MCM9: variants seen among roughly 807,000 people sequenced by gnomAD.
The protein encoded by MCM9 is minichromosome maintenance 9 homologous recombination repair factor.
In MCM9, 55 loss-of-function variants were observed where a neutral mutation model predicts 72.8. The observed-to-expected ratio is 0.76, with a 90% CI of 0.61 to 0.95. MCM9 has a LOEUF of 0.95. MCM9 is among the 40% of genes least tolerant of loss of function. The pLI, the probability that MCM9 is intolerant of heterozygous loss-of-function variation, is 0.00. For synonymous variants in MCM9, 480 were observed against 503.4 expected (o/e 0.95, Z 0.62); for missense variants, 1,279 against 1,377.0 (o/e 0.93, Z 1.13).
At chr6:118,829,820 TTC>T (rs1259976613) in intron 9 of MCM9, among the ~76,000 whole-genome samples, 1 of 152,114 alleles carries the variant, frequency 6.6e-6, no homozygotes, top group Admixed American at 6.5e-5. Context: ...GGCAAAAACT[TTC>T]TGTGTATTCA....
intron 6 of MCM9, among the ~76,000 whole-genome samples, chr6:118,914,500 G>T (rs1181822625): frequency 6.6e-6 from 1 of 152,144 alleles, no homozygotes; most frequent in African/African-American, 2.4e-5. Flanking sequence ...CAGAAATGGT[G>T]AAGAAAGAAA....
At chr6:118,884,404 C>G (rs759478176) in intron 8 of MCM9, among the ~76,000 whole-genome samples, 2 of 151,214 alleles carry the variant, frequency 1.3e-5, no homozygotes, top group Non-Finnish European at 2.9e-5. Context: ...ATAACAACCA[C>G]TAAGGAAATC....
chr6:118,843,572 G>A (rs1775548554), intron 9 of MCM9, among the ~76,000 whole-genome samples: 1 of 139,910 alleles, frequency 7.1e-6, no homozygotes, highest in African/African-American at 2.6e-5. Context: ...AGGTTGCAGT[G>A]AGCCAAGATT....
At chr6:118,893,933 C>CCCCGCCTCCCCGCCG in intron 8 of MCM9, 1 of 847,066 alleles carries the variant, frequency 1.2e-6, no homozygotes, top group East Asian at 1.2e-4. Context: ...CCCGCCGCAG[C>CCCCGCCTCCCCGCCG]CACGCCTCCC....
chr6:118,867,293 A>AAATTATAAT (rs1777276405), intron 8 of MCM9, among the ~76,000 whole-genome samples: 3 of 152,200 alleles, frequency 2.0e-5, no homozygotes, highest in Admixed American at 6.5e-5. Context: ...ATTATAATGG[A>AAATTATAAT]GCTGAAAAAC....
At chr6:118,920,286 C>T (rs942367875) in intron 5 of MCM9, 2 of 152,178 alleles carry the variant, frequency 1.3e-5, no homozygotes, top group African/African-American at 4.8e-5. Context: ...CATTAGTATA[C>T]TATTTACACA....
intron 9 of MCM9, among the ~76,000 whole-genome samples, chr6:118,837,908 C>T (rs963721553): frequency 2.0e-5 from 3 of 152,096 alleles, no homozygotes; most frequent in Non-Finnish European, 2.9e-5. Flanking sequence ...TATTATGATG[C>T]TAGCTGGTTA....
chr6:118,827,925 A>G lies in MCM9; in HGVS notation c.1732+2T>C, dbSNP rs587777871. ...AAGCATCATTCGCTGAATGAAATAGACCTTCTGCTAATCGTATCAAGCTTT... is the reference window on the plus strand; with the variant it reads ...AAGCATCATTCGCTGAATGAAATAGGCCTTCTGCTAATCGTATCAAGCTTT... On this transcript the variant is annotated splice_donor_variant, in intron 11 of 13. Transcript: ENST00000619706. LOFTEE classifies it high-confidence loss of function. 3 of 1,550,772 alleles carry G rather than the reference A, an allele frequency of 1.9e-6. No individual in the cohort carries two copies. Among genetic ancestry groups the G allele is most frequent in the Middle Eastern group, 1.7e-4 (1 of 5,988 alleles).
chr6:118,852,405 A>AC (rs1776289796), intron 9 of MCM9, among the ~76,000 whole-genome samples: 1 of 151,878 alleles, frequency 6.6e-6, no homozygotes, highest in African/African-American at 2.4e-5. Context: ...TTTCCAACAG[A>AC]CAAAAAAAAA....
rs190363840 is a variant in MCM9, at chr6:118,853,002, G to A, written c.1325+3369C>T. ...AGTTTGTTCCTTTATATTGCTAGTA[G>A]TATTCCATGGTATGGGTCCATCAAG... On this transcript the variant is annotated intron_variant, in intron 9 of 13. Transcript: ENST00000619706. Among the ~76,000 whole-genome samples the A allele has an allele frequency of 9.2e-4, 140 of 152,202 alleles. 2 individuals are homozygous for A. Among genetic ancestry groups the A allele is most frequent in the South Asian group, 5.2e-3 (25 of 4,826 alleles).
intron 8 of MCM9, among the ~76,000 whole-genome samples, chr6:118,903,029 G>A (rs1779909379): frequency 6.6e-6 from 1 of 152,144 alleles, no homozygotes; most frequent in Non-Finnish European, 1.5e-5. Context: ...AGGCCTGTAA[G>A]CTTCTCTACT....
intron 6 of MCM9, 81 bp downstream of exon 6, chr6:118,917,480 A>C: frequency 7.5e-7 from 1 of 1,336,618 alleles, no homozygotes; most frequent in Non-Finnish European, 1.1e-6. Context: ...GGCATATAAG[A>C]CTGTCAAATC....
At chr6:118,892,484 G>A (rs1203639854) in intron 8 of MCM9, among the ~76,000 whole-genome samples, 3 of 152,178 alleles carry the variant, frequency 2.0e-5, no homozygotes, top group Non-Finnish European at 4.4e-5. Flanking sequence ...AGACTGACTA[G>A]ACTCTCCTCT....
intron 8 of MCM9, among the ~76,000 whole-genome samples, chr6:118,889,680 G>C (rs1583553337): frequency 6.6e-6 from 1 of 152,274 alleles, no homozygotes; most frequent in South Asian, 2.1e-4. Context: ...ATAAGAAACA[G>C]AAAATAATTA....
chr6:118,868,448 C>T (rs561804053), intron 8 of MCM9, among the ~76,000 whole-genome samples: 27 of 152,212 alleles, frequency 1.8e-4, no homozygotes, highest in Admixed American at 6.5e-4. Context: ...AGAGCTTCTG[C>T]GTGGCAAAAG....
At position 118,921,791 on chromosome 6, in the gene MCM9, A is replaced by G. The variant is rs1241493635; in HGVS notation, c.703+214T>C. On this transcript the variant is annotated intron_variant, in intron 5 of 13. Transcript: ENST00000619706. ...CTTAGACAAGTCAGGTTCTTCATTC[A>G]TAAAACAAGCACCTGGACTAGCTGC... 3 of 410,022 alleles carry G rather than the reference A, an allele frequency of 7.3e-6. No individual in the cohort carries two copies. In the East Asian group the frequency reaches 1.2e-4, roughly 17 times the overall value. The allele number at this position is 410,022 out of a possible 1,614,324, so 25.4% of individuals were successfully genotyped here.
chr6:118,816,788 T>C (rs1773435897), intron 13 of MCM9, among the ~76,000 whole-genome samples: 1 of 152,184 alleles, frequency 6.6e-6, no homozygotes, highest in Non-Finnish European at 1.5e-5. Flanking sequence ...CTCACATCTC[T>C]TTACCCAGTT....
chr6:118,919,513 C>T (rs190239536), intron 5 of MCM9: 5 of 152,224 alleles, frequency 3.3e-5, no homozygotes, highest in Admixed American at 2.0e-4. Context: ...TATACTAAAC[C>T]TACCTTACAT....
At chr6:118,860,409 C>G (rs992283598) in intron 8 of MCM9, among the ~76,000 whole-genome samples, 1 of 151,932 alleles carries the variant, frequency 6.6e-6, no homozygotes. Context: ...CTTGAAAATA[C>G]GTCAATTAAA....
Sources: gnomAD v4.1 joint callset for allele counts (sites outside exome capture counted in the v4.1 genomes callset) on GRCh38, gnomAD v4.1.1 for gene constraint, MANE v1.5 for transcripts, NCBI Gene and HGNC (gene_info 2026-07-23, HGNC 2026-07-21) for gene names.